DNAH14: variants seen among roughly 807,000 people sequenced by gnomAD.
The protein encoded by DNAH14 is dynein axonemal heavy chain 14.
Under a neutral mutation model 520.9 loss-of-function variants are expected in DNAH14, and 478 were observed. The observed-to-expected ratio is 0.92, with a 90% CI of 0.85 to 0.99. DNAH14 has a LOEUF of 0.99. DNAH14 is among the 50% of genes least tolerant of loss of function. The pLI, the probability that DNAH14 is intolerant of heterozygous loss-of-function variation, is 0.00. For synonymous variants in DNAH14, 1,581 were observed against 1,757.2 expected (o/e 0.90, Z 2.51); for missense variants, 4,831 against 5,234.5 (o/e 0.92, Z 2.38).
At chr1:225,378,915 C>T (rs1432711865) in intron 79 of DNAH14, among the ~76,000 whole-genome samples, 2 of 151,376 alleles carry the variant, frequency 1.3e-5, no homozygotes, top group African/African-American at 4.9e-5. Context: ...AAAAATCAGT[C>T]CCGGCTAGTA....
intron 68 of DNAH14, among the ~76,000 whole-genome samples, chr1:225,339,141 C>A (rs1178931830): frequency 4.0e-4 from 52 of 131,384 alleles, no homozygotes; most frequent in African/African-American, 7.1e-4. Context: ...CAATGAAATA[C>A]AAAAAAAAAA....
At chr1:225,052,211 T>C (rs1572713432) in intron 17 of DNAH14, among the ~76,000 whole-genome samples, 1 of 152,226 alleles carries the variant, frequency 6.6e-6, no homozygotes, top group Non-Finnish European at 1.5e-5. Context: ...GGAGTTTCAC[T>C]GTATATTAGG....
chr1:225,369,055 T>C (rs2095586093), intron 77 of DNAH14, among the ~76,000 whole-genome samples: 2 of 152,294 alleles, frequency 1.3e-5, no homozygotes, highest in Admixed American at 1.3e-4. Flanking sequence ...AAATAATTGA[T>C]ATTTTTATTT....
chr1:225,310,277 C>T (rs2094336916), intron 60 of DNAH14, among the ~76,000 whole-genome samples: 1 of 151,564 alleles, frequency 6.6e-6, no homozygotes, highest in African/African-American at 2.4e-5. Context: ...GGCCTGGGGC[C>T]ATATTTTTAA....
At chr1:225,164,895 G>A (rs2081898528) in intron 35 of DNAH14, among the ~76,000 whole-genome samples, 1 of 151,886 alleles carries the variant, frequency 6.6e-6, no homozygotes, top group African/African-American at 2.4e-5. Context: ...ACTCCTGCTT[G>A]TGCTCTCTCT....
chr1:225,098,185 G>C (rs561544894), intron 22 of DNAH14, among the ~76,000 whole-genome samples: 1 of 151,316 alleles, frequency 6.6e-6, no homozygotes, highest in South Asian at 2.1e-4. Flanking sequence ...CCATACCACA[G>C]AGAGAGACTG....
intron 28 of DNAH14, among the ~76,000 whole-genome samples, chr1:225,143,497 C>A (rs2079632391): frequency 6.6e-6 from 1 of 151,986 alleles, no homozygotes; most frequent in Non-Finnish European, 1.5e-5. Context: ...TTTAAAAGGG[C>A]TCACAAGGAT....
At chr1:224,939,633 G>A (rs759961617) in intron 1 of DNAH14, among the ~76,000 whole-genome samples, 3 of 152,056 alleles carry the variant, frequency 2.0e-5, no homozygotes, top group Non-Finnish European at 2.9e-5. Context: ...GCAGTGAGCC[G>A]AGATTGTGCC....
At chr1:225,228,520 C>T (rs1362333533) in intron 41 of DNAH14, among the ~76,000 whole-genome samples, 3 of 152,032 alleles carry the variant, frequency 2.0e-5, no homozygotes, top group Non-Finnish European at 2.9e-5. Context: ...ATTCTAGAAT[C>T]CCTAATCGCC....
chr1:225,138,158 C>T (rs1220293289), intron 27 of DNAH14, among the ~76,000 whole-genome samples: 1 of 152,194 alleles, frequency 6.6e-6, no homozygotes, highest in East Asian at 1.9e-4. Context: ...AACCAAGGAC[C>T]TGCCCAGTGA....
At chr1:225,033,272 G>A (rs1404173585) in intron 11 of DNAH14, among the ~76,000 whole-genome samples, 1 of 152,118 alleles carries the variant, frequency 6.6e-6, no homozygotes, top group Non-Finnish European at 1.5e-5. Context: ...TAAGGAAGGA[G>A]TCCAGCTTCA....
chr1:225,333,477 T>A lies in DNAH14; in HGVS notation c.10051T>A (p.Leu3351Ile). The A allele has an allele frequency of 6.4e-7, 1 of 1,551,070 alleles. No homozygotes were observed. The highest frequency in any genetic ancestry group is 8.7e-7 in the Non-Finnish European group (1 of 1,146,678). ...NGISLSSKFSLIKVMAQKYEI... is the reference protein window; with the variant it reads ...NGISLSSKFSIIKVMAQKYEI... ...CATTTCTTTGTCTTCCAAATTCTCT[T>A]TAATTAAAGTTATGGCACAAAAATA... is the stretch of plus-strand genomic sequence containing the variant. The change falls in exon 66 of 86, where the codon TTA (leucine) becomes ATA (isoleucine). Residue 3351 changes from leucine (L) to isoleucine (I), a missense_variant. Leu to Ile is a conservative substitution (Grantham distance 5, BLOSUM62 2). Coordinates refer to ENST00000682510, the MANE Select transcript of DNAH14 (RefSeq NM_001367479.1).
chr1:225,301,345 C>A (rs531658209), intron 56 of DNAH14, among the ~76,000 whole-genome samples: 1 of 152,156 alleles, frequency 6.6e-6, no homozygotes, highest in East Asian at 1.9e-4. Flanking sequence ...CACAAAGATT[C>A]TTTCCTAGAT....
chr1:225,033,704 A>G (rs566946379), intron 11 of DNAH14, among the ~76,000 whole-genome samples: 1 of 151,800 alleles, frequency 6.6e-6, no homozygotes, highest in East Asian at 1.9e-4. Context: ...TTCTATGAAC[A>G]TGGGATGTTT....
intron 38 of DNAH14, among the ~76,000 whole-genome samples, chr1:225,194,571 A>G (rs1053292983): frequency 6.6e-6 from 1 of 152,134 alleles, no homozygotes; most frequent in Non-Finnish European, 1.5e-5. Context: ...ACTTGAAACT[A>G]TAGAAGAAAC....
At chr1:225,217,271 T>C (rs2089484583) in intron 41 of DNAH14, among the ~76,000 whole-genome samples, 1 of 152,166 alleles carries the variant, frequency 6.6e-6, no homozygotes, top group South Asian at 2.1e-4. Context: ...GGCAGCTTCA[T>C]CTCAGAGGTG....
intron 38 of DNAH14, among the ~76,000 whole-genome samples, chr1:225,202,557 C>T (rs1181592855): frequency 5.9e-5 from 9 of 152,128 alleles, no homozygotes; most frequent in South Asian, 2.1e-4. Flanking sequence ...GCAATAGCAC[C>T]GGGTCTGTTT....
At chr1:225,013,965 G>A (rs570772720) in intron 10 of DNAH14, among the ~76,000 whole-genome samples, 26 of 152,174 alleles carry the variant, frequency 1.7e-4, no homozygotes, top group African/African-American at 6.0e-4. Context: ...GGAGTGAATG[G>A]TTCTGTCTCA....
At chr1:225,165,109 T>G (rs889073284) in intron 35 of DNAH14, among the ~76,000 whole-genome samples, 1 of 152,134 alleles carries the variant, frequency 6.6e-6, no homozygotes, top group Non-Finnish European at 1.5e-5. Context: ...AATGGCAAAT[T>G]CATTATAAAA....
Sources: allele counts gnomAD v4.1 joint callset (sites outside exome capture counted in the v4.1 genomes callset), GRCh38; gene constraint gnomAD v4.1.1; transcripts MANE v1.5; gene names NCBI Gene and HGNC (gene_info 2026-07-23, HGNC 2026-07-21).